COG5: variants seen among roughly 807,000 people sequenced by gnomAD.
COG5 encodes component of oligomeric golgi complex 5, also known as conserved oligomeric Golgi complex subunit 5.
Under a neutral mutation model 110.4 loss-of-function variants are expected in COG5, and 86 were observed. The ratio of observed to expected loss-of-function variants is 0.78; its 90% CI spans 0.65 to 0.93. The LOEUF (loss-of-function observed/expected upper bound fraction) is 0.93. Ranked by LOEUF, COG5 falls within the 40% of genes least tolerant of loss-of-function variation. COG5 has a pLI of 0.00. For missense variants in COG5, 1,077 were observed against 987.0 expected (o/e 1.09, Z -1.22); for synonymous variants, 360 against 334.6 (o/e 1.08, Z -0.83).
intron 14 of COG5, among the ~76,000 whole-genome samples, chr7:107,258,941 T>C (rs1230354098): frequency 6.6e-6 from 1 of 152,020 alleles, no homozygotes; most frequent in Non-Finnish European, 1.5e-5. Context: ...ATGAAATGAA[T>C]TGTGCAAAGA....
At chr7:107,424,919 T>C (rs1793545997) in intron 6 of COG5, among the ~76,000 whole-genome samples, 2 of 152,158 alleles carry the variant, frequency 1.3e-5, no homozygotes, top group Non-Finnish European at 2.9e-5. Context: ...TAGTGGACAC[T>C]GACTTTGCAA....
At chr7:107,215,168 TAGAA>T (rs1400727362) in intron 19 of COG5, among the ~76,000 whole-genome samples, 1 of 151,950 alleles carries the variant, frequency 6.6e-6, no homozygotes, top group African/African-American at 2.4e-5. Flanking sequence ...AAAACATACA[TAGAA>T]AGAATTCAAA....
At chr7:107,267,947 T>C (rs1177139121) in intron 14 of COG5, among the ~76,000 whole-genome samples, 1 of 152,186 alleles carries the variant, frequency 6.6e-6, no homozygotes, top group East Asian at 1.9e-4. Context: ...ACATGCATTA[T>C]TACTTTTCGT....
At chr7:107,220,114 C>A (rs1009627756) in intron 19 of COG5, among the ~76,000 whole-genome samples, 8 of 152,220 alleles carry the variant, frequency 5.3e-5, no homozygotes, top group Non-Finnish European at 7.3e-5. Flanking sequence ...TGCAATGCAG[C>A]CTCTTTTAGA....
chr7:107,408,936 C>T (rs375431836), intron 7 of COG5, among the ~76,000 whole-genome samples: 2 of 151,994 alleles, frequency 1.3e-5, no homozygotes, highest in African/African-American at 4.8e-5. Flanking sequence ...CAACCATATC[C>T]TATAATAAAC....
At chr7:107,478,062 T>C (rs1173076780) in intron 6 of COG5, among the ~76,000 whole-genome samples, 1 of 151,934 alleles carries the variant, frequency 6.6e-6, no homozygotes, top group African/African-American at 2.4e-5. Flanking sequence ...GGCATAGATA[T>C]CAATTTCTAC....
At chr7:107,258,515 CAAAG>C (rs761414640) in intron 14 of COG5, 132 bp from the exon 15 acceptor site, 8 of 700,182 alleles carry the variant, frequency 1.1e-5, no homozygotes, top group Non-Finnish European at 2.1e-5. Flanking sequence ...GCCCCTCTGA[CAAAG>C]AGAATGTTAA....
intron 14 of COG5, among the ~76,000 whole-genome samples, chr7:107,262,345 A>G (rs751618780): frequency 7.2e-5 from 11 of 152,130 alleles, no homozygotes; most frequent in Non-Finnish European, 1.5e-4. Context: ...CAATTTCAGC[A>G]GTGAGTGATA....
chr7:107,424,727 T>C (rs905605015), intron 6 of COG5, among the ~76,000 whole-genome samples: 5 of 152,154 alleles, frequency 3.3e-5, no homozygotes, highest in African/African-American at 1.2e-4. Context: ...TATACCTTTT[T>C]TGACAGACTA....
intron 21 of COG5, chr7:107,208,896 C>T (rs1413978691): frequency 3.0e-6 from 3 of 985,318 alleles, no homozygotes; most frequent in South Asian, 9.4e-5. Flanking sequence ...TTCATCCTAA[C>T]TGAAATATGA....
At chr7:107,471,166 AATAAC>A (rs1328622030) in intron 6 of COG5, among the ~76,000 whole-genome samples, 1 of 152,070 alleles carries the variant, frequency 6.6e-6, no homozygotes, top group African/African-American at 2.4e-5. Context: ...TCTATTGTTA[AATAAC>A]ATAATATATA....
rs181226671 is a variant in COG5, at chr7:107,225,974, C to T, written c.2168+4641G>A. ...AGGAGAATCGCTTGAATCTGGGAAG[C>T]GGAGGTTGCAGTGAACCATGATCAT... On this transcript the variant is annotated intron_variant, in intron 19 of 21. Coordinates refer to ENST00000297135, the MANE Select transcript of COG5 (RefSeq NM_006348.5). 9.2e-5 allele frequency among the ~76,000 whole-genome samples: 14 copies of T among 152,140 alleles called. No homozygotes were observed. In the East Asian group the frequency reaches 1.9e-3, roughly 21 times the overall value.
chr7:107,517,826 T>G (rs753414769), intron 6 of COG5, among the ~76,000 whole-genome samples: 13 of 151,892 alleles, frequency 8.6e-5, no homozygotes, highest in Non-Finnish European at 1.6e-4. Flanking sequence ...GCCTCCTGAG[T>G]AGCTGGGATT....
chr7:107,347,570 TAGA>T (rs1323590387), intron 10 of COG5, among the ~76,000 whole-genome samples: 1 of 152,194 alleles, frequency 6.6e-6, no homozygotes, highest in Non-Finnish European at 1.5e-5. Flanking sequence ...TTTGAATAGC[TAGA>T]AGGAGGATAG....
intron 6 of COG5, among the ~76,000 whole-genome samples, chr7:107,442,668 C>T (rs566352389): frequency 8.8e-5 from 13 of 146,996 alleles, no homozygotes; most frequent in Admixed American, 6.8e-4. Flanking sequence ...AAAGTCTATA[C>T]GAGAAACTTG....
chr7:107,445,039 G>A (rs1157398456), intron 6 of COG5, among the ~76,000 whole-genome samples: 2 of 151,802 alleles, frequency 1.3e-5, no homozygotes, highest in African/African-American at 2.4e-5. Context: ...AATACCAGTG[G>A]TGACAGGCAC....
rs566508280 is a variant in COG5, at chr7:107,295,715, G to A, written c.1313+2427C>T. Among the ~76,000 whole-genome samples the A allele has an allele frequency of 1.5e-3, 223 of 152,192 alleles. 1 individual carries two copies. The highest frequency in any genetic ancestry group is 5.2e-3 in the African/African-American group (215 of 41,524). ...ATTACTGAATTCATCTCCAAAAAGT[G>A]ACAATAATATCCTATTAGTGAAAAC... On this transcript the variant is annotated intron_variant, in intron 12 of 21. Transcript: ENST00000297135.
chr7:107,440,655 G>A (rs1794650669), intron 6 of COG5, among the ~76,000 whole-genome samples: 1 of 152,080 alleles, frequency 6.6e-6, no homozygotes, highest in African/African-American at 2.4e-5. Context: ...GGGAAAAGAG[G>A]CTGAAAACTG....
chr7:107,527,181 C>T (rs1289016742), intron 6 of COG5, 56 bp downstream of exon 6: 4 of 1,454,528 alleles, frequency 2.8e-6, no homozygotes, highest in Non-Finnish European at 3.7e-6. Context: ...AATCAAGTGA[C>T]TTAAAAATAT....
Sources: gnomAD v4.1 joint callset for allele counts (sites outside exome capture counted in the v4.1 genomes callset) on GRCh38, gnomAD v4.1.1 for gene constraint, MANE v1.5 for transcripts, NCBI Gene and HGNC (gene_info 2026-07-23, HGNC 2026-07-21) for gene names.